CACNA1D: variants seen among roughly 807,000 people sequenced by gnomAD.
The protein encoded by CACNA1D is voltage-dependent L-type calcium channel subunit alpha-1D.
A neutral mutation model predicts 257.1 loss-of-function variants in CACNA1D; 55 were observed. That is an observed-to-expected ratio of 0.21 (90% confidence interval 0.17 to 0.27). The LOEUF (loss-of-function observed/expected upper bound fraction) is 0.27. CACNA1D is among the 10% of genes least tolerant of loss of function. The pLI is 1.00. For missense variants in CACNA1D, 1,876 were observed against 2,784.0 expected (o/e 0.67, Z 7.34); for synonymous variants, 980 against 1,014.9 (o/e 0.97, Z 0.65).
chr3:53,802,011 C>A, intron 42 of CACNA1D, 136 bp from the exon 43 acceptor site: 1 of 794,984 alleles, frequency 1.3e-6, no homozygotes. Context: ...GGCCAGGTGG[C>A]AGCCCCTATG....
intron 4 of CACNA1D, among the ~76,000 whole-genome samples, chr3:53,658,810 T>C (rs1304535730): frequency 2.0e-5 from 3 of 152,238 alleles, no homozygotes; most frequent in Non-Finnish European, 4.4e-5. Context: ...GAGCTCACCA[T>C]CTGAAGCTTT....
chr3:53,556,470 GT>G (rs1275576010), intron 3 of CACNA1D, among the ~76,000 whole-genome samples: 2 of 151,996 alleles, frequency 1.3e-5, no homozygotes, highest in Non-Finnish European at 2.9e-5. Context: ...TCTCATTTTG[GT>G]TTTAATTTTT....
intron 10 of CACNA1D, among the ~76,000 whole-genome samples, chr3:53,719,446 G>A (rs922157095): frequency 6.6e-6 from 1 of 152,160 alleles, no homozygotes; most frequent in Non-Finnish European, 1.5e-5. Context: ...TGCTGCTGTC[G>A]AGATGAGTGG....
rs569507177 is a variant in CACNA1D at position 53,805,086 on chromosome 3, C to G, written c.5689C>G (p.Pro1897Ala). The G allele has an allele frequency of 2.5e-6, 4 of 1,614,064 alleles. No homozygotes were observed. The highest frequency in any genetic ancestry group is 1.7e-5 in the Admixed American group (1 of 60,010). The change falls in exon 45 of 48, where the codon CCC becomes GCC. Residue 1897 changes from proline (P) to alanine (A), a missense_variant. Coordinates refer to ENST00000350061, the MANE Select transcript of CACNA1D (RefSeq NM_001128840.3). ...AGGATTCTTGGAGGACGATGACTCG[C>G]CCGTTTGCTATGATTCACGGAGATC... ...PQGFLEDDDS[P>A]VCYDSRRSPR...
rs185521211 is a variant in CACNA1D, at chr3:53,747,849, T to C, written c.3314+401T>C. 4.0e-3 allele frequency among the ~76,000 whole-genome samples: 605 copies of C among 152,314 alleles called. 5 individuals carry two copies. The highest frequency in any genetic ancestry group is 6.8e-3 in the Non-Finnish European group (461 of 68,026). Reference sequence around the variant, plus strand: ...TATTCCCAGTTGCGGACAGTTGCTGTTATGCCATCTCTTTTACTGAGCACC... The same window carrying C: ...TATTCCCAGTTGCGGACAGTTGCTGCTATGCCATCTCTTTTACTGAGCACC... On this transcript the variant is annotated intron_variant, in intron 26 of 47. Transcript: ENST00000350061.
rs1052268563 is a variant in CACNA1D at position 53,571,921 on chromosome 3, A to C, written c.483+70201A>C. Among the ~76,000 whole-genome samples the C allele has an allele frequency of 5.9e-5, 9 of 152,198 alleles. 1 individual carries two copies. Among genetic ancestry groups the C allele is most frequent in the Non-Finnish European group, 1.5e-5 (1 of 68,040 alleles). ...AATCCTCTCTAAAGGAACAGGTGGTAGGAAACTTCTGACCCTCAGCGATTG... is the reference window on the plus strand; with the variant it reads ...AATCCTCTCTAAAGGAACAGGTGGTCGGAAACTTCTGACCCTCAGCGATTG... On this transcript the variant is annotated intron_variant, in intron 3 of 47. Transcript: ENST00000350061.
intron 4 of CACNA1D, among the ~76,000 whole-genome samples, chr3:53,653,609 A>G (rs578083417): frequency 6.6e-6 from 1 of 152,280 alleles, no homozygotes; most frequent in Non-Finnish European, 1.5e-5. Context: ...AACACTATAG[A>G]AGGAAAAAAT....
intron 19 of CACNA1D, 143 bp from the exon 20 acceptor site, chr3:53,735,231 G>T: frequency 1.2e-6 from 1 of 832,688 alleles, no homozygotes. Flanking sequence ...AGGTTGCTCA[G>T]GTGTGCCGGG....
chr3:53,639,773 G>T lies in CACNA1D; in HGVS notation c.484-11006G>T, dbSNP rs528396098. Among the ~76,000 whole-genome samples the T allele has an allele frequency of 1.7e-4, 26 of 151,410 alleles. No individual in the cohort carries two copies. The South Asian group carries it at 4.6e-3, about 27-fold the overall frequency. On this transcript the variant is annotated intron_variant, in intron 3 of 47. Transcript: ENST00000350061. ...CTTTATCTCTGTTAATGGAGAAAAA[G>T]AATGACTGCTTTCTTGTCAAAATGA...
intron 8 of CACNA1D, among the ~76,000 whole-genome samples, chr3:53,686,809 CAA>C (rs528430690): frequency 3.8e-4 from 58 of 151,738 alleles, no homozygotes; most frequent in African/African-American, 1.0e-3. Context: ...GAAGGTAAGA[CAA>C]AGAGATAAAA....
chr3:53,556,261 T>C (rs2092643835), intron 3 of CACNA1D, among the ~76,000 whole-genome samples: 1 of 152,252 alleles, frequency 6.6e-6, no homozygotes, highest in South Asian at 2.1e-4. Flanking sequence ...TGTATGAATA[T>C]AGATGTTCAC....
chr3:53,566,329 C>T (rs187602750), intron 3 of CACNA1D, among the ~76,000 whole-genome samples: 25 of 152,270 alleles, frequency 1.6e-4, no homozygotes, highest in Non-Finnish European at 1.3e-4. Context: ...CCCTTTCACC[C>T]CAAGCATTTG....
At chr3:53,731,431 A>G (rs1201678786) in intron 17 of CACNA1D, among the ~76,000 whole-genome samples, 1 of 152,174 alleles carries the variant, frequency 6.6e-6, no homozygotes, top group East Asian at 1.9e-4. Flanking sequence ...ATCAGCCCTG[A>G]CCCGTGGTCA....
intron 47 of CACNA1D, chr3:53,810,614 C>T (rs768394030): frequency 1.3e-4 from 50 of 391,502 alleles, no homozygotes; most frequent in South Asian, 3.2e-4. Flanking sequence ...AAAAATTAGC[C>T]GGGCGTGGTG....
chr3:53,701,765 C>G (rs1467006897), intron 8 of CACNA1D, among the ~76,000 whole-genome samples: 1 of 152,210 alleles, frequency 6.6e-6, no homozygotes, highest in African/African-American at 2.4e-5. Flanking sequence ...TCAGGCTTGC[C>G]TGAGTATGTG....
intron 3 of CACNA1D, among the ~76,000 whole-genome samples, chr3:53,572,715 G>T (rs559831194): frequency 2.9e-4 from 44 of 152,198 alleles, no homozygotes; most frequent in Middle Eastern, 3.4e-3. Flanking sequence ...GATTTATTTT[G>T]AACCTCTCCA....
chr3:53,701,468 C>T (rs540186303), intron 8 of CACNA1D, among the ~76,000 whole-genome samples: 2 of 152,216 alleles, frequency 1.3e-5, no homozygotes, highest in African/African-American at 2.4e-5. Context: ...CTTCCCCATT[C>T]GTGGGTTGGG....
chr3:53,585,331 C>A (rs1575975867), intron 3 of CACNA1D, among the ~76,000 whole-genome samples: 1 of 152,122 alleles, frequency 6.6e-6, no homozygotes, highest in African/African-American at 2.4e-5. Flanking sequence ...CAGGCTGGGG[C>A]ATTCATCAAC....
At position 53,753,582 on chromosome 3, in the gene CACNA1D, A is replaced by C. The variant is rs1379249789; in HGVS notation, c.3686A>C (p.Gln1229Pro). 1 of 1,602,798 alleles carries C rather than the reference A, an allele frequency of 6.2e-7. No individual in the cohort carries two copies. Among genetic ancestry groups the C allele is most frequent in the Non-Finnish European group, 8.5e-7 (1 of 1,169,730 alleles). ...TGTCTTCATCCATAGCACTACGAGC[A>C]GTCCAAGATGTTCAATGATGCCATG... ...TLCLAMQHYE[Q>P]SKMFNDAMDI... Residue 1229 changes from glutamine (Q) to proline (P), a missense_variant, in exon 29 of 48, where the codon CAG becomes CCG. Transcript: ENST00000350061.
Sources: gnomAD v4.1 joint callset for allele counts (sites outside exome capture counted in the v4.1 genomes callset) on GRCh38, gnomAD v4.1.1 for gene constraint, MANE v1.5 for transcripts, NCBI Gene and HGNC (gene_info 2026-07-23, HGNC 2026-07-21) for gene names.